The following CD6 variants were observed in gnomAD, a reference collection of about 807,000 sequenced individuals.
The protein encoded by CD6 is CD6 molecule.
CD6 carries 53 observed loss-of-function variants against 75.3 expected under a neutral mutation model. The observed-to-expected ratio is 0.70, with a 90% CI of 0.56 to 0.88. The LOEUF is 0.88. CD6 is among the 40% of genes least tolerant of loss of function. The pLI, the probability that CD6 is intolerant of heterozygous loss-of-function variation, is 0.00. For synonymous variants in CD6, 359 were observed against 381.5 expected, an observed-to-expected ratio of 0.94 and a Z score of 0.69; for missense variants, 770 against 897.1, an observed-to-expected ratio of 0.86 and a Z score of 1.81.
chr11:60,992,639 C>T (rs1413891977), intron 1 of CD6, among the ~76,000 whole-genome samples: 1 of 151,750 alleles, frequency 6.6e-6, no homozygotes, highest in Non-Finnish European at 1.5e-5. Flanking sequence ...ACCAGCCTGG[C>T]CAACATGGTG....
At chr11:61,000,036 AG>A (rs1269605125) in intron 1 of CD6, among the ~76,000 whole-genome samples, 1 of 152,052 alleles carries the variant, frequency 6.6e-6, no homozygotes, top group Non-Finnish European at 1.5e-5. Flanking sequence ...TGGGCAACAG[AG>A]GGAGAGTGAG....
At chr11:60,986,150 A>G (rs1304856429) in intron 1 of CD6, among the ~76,000 whole-genome samples, 1 of 152,266 alleles carries the variant, frequency 6.6e-6, no homozygotes, top group Non-Finnish European at 1.5e-5. Flanking sequence ...TTCAGATGTG[A>G]TGTAAACATT....
chr11:60,996,451 G>C (rs760363061), intron 1 of CD6, among the ~76,000 whole-genome samples: 1 of 152,174 alleles, frequency 6.6e-6, no homozygotes, highest in African/African-American at 2.4e-5. Context: ...CCAGCTTCCC[G>C]GCCACTGGGC....
rs1385367152 is a variant in CD6, at chr11:61,019,874, G to T, written c.*556G>T. 1 of 324,198 alleles carries T rather than the reference G, an allele frequency of 3.1e-6. No homozygotes were observed. Among genetic ancestry groups the T allele is most frequent in the Non-Finnish European group, 5.6e-6 (1 of 180,058 alleles). The allele number at this position is 324,198 out of a possible 1,614,324, so 20.1% of individuals were successfully genotyped here. The stretch of plus-strand genomic sequence containing the variant: ...GCTGTCCCAGGCTTTGCTCCGGGCG[G>T]TAACTGCACTTGGGCAGGGAATATA... On this transcript the variant is annotated 3_prime_UTR_variant, in exon 13 of 13. Transcript: ENST00000313421.
chr11:60,989,900 C>T (rs1246454051), intron 1 of CD6, among the ~76,000 whole-genome samples: 1 of 152,096 alleles, frequency 6.6e-6, no homozygotes, highest in Non-Finnish European at 1.5e-5. Context: ...CTATAAAAAC[C>T]CATGGCTTTC....
chr11:60,990,338 T>C (rs1175087225), intron 1 of CD6, among the ~76,000 whole-genome samples: 2 of 152,086 alleles, frequency 1.3e-5, no homozygotes, highest in Non-Finnish European at 2.9e-5. Context: ...GATTCTCCTG[T>C]CTCAGCCTCC....
chr11:61,012,379 G>T (rs1000342752), intron 6 of CD6, among the ~76,000 whole-genome samples: 2 of 152,254 alleles, frequency 1.3e-5, no homozygotes, highest in Admixed American at 6.5e-5. Flanking sequence ...CCACATTCAC[G>T]GGTCTCCCCA....
chr11:61,013,742 C>A (rs912670517), intron 7 of CD6, among the ~76,000 whole-genome samples, 177 bp from the exon 8 acceptor site: 1 of 152,120 alleles, frequency 6.6e-6, no homozygotes, highest in African/African-American at 2.4e-5. Flanking sequence ...CGGGGAGAAC[C>A]AGACTGTGCA....
chr11:60,977,436 C>T (rs1351184346), intron 1 of CD6, among the ~76,000 whole-genome samples: 1 of 152,178 alleles, frequency 6.6e-6, no homozygotes, highest in Non-Finnish European at 1.5e-5. Context: ...GATCCCCAGG[C>T]TGTATCTACT....
chr11:60,971,960 G>A (rs149000485), intron 1 of CD6, 46 bp downstream of exon 1: 174 of 1,595,556 alleles, frequency 1.1e-4, no homozygotes, highest in African/African-American at 9.9e-4. Flanking sequence ...TGGAGGAGCC[G>A]GGTCCGGCCC....
At chr11:60,984,055 G>A (rs543865419) in intron 1 of CD6, among the ~76,000 whole-genome samples, 117 of 152,144 alleles carry the variant, frequency 7.7e-4, no homozygotes, top group African/African-American at 2.7e-3. Context: ...TCCCCTCTCC[G>A]GTGGTCTAAC....
chr11:61,017,751 T>C lies in CD6; in HGVS notation c.1583-8T>C, dbSNP rs116662669. ...TCTTTCGTCACCATTCTCCCTTTCC[T>C]GCCTTAGGACTTGAAGAGTTGCATG... On this transcript the variant is annotated splice_polypyrimidine_tract_variant and splice_region_variant and intron_variant, in intron 10 of 12. Transcript: ENST00000313421. The C allele has an allele frequency of 2.6e-4, 424 of 1,613,960 alleles. 1 individual carries two copies. The African/African-American group carries it at 5.4e-3, about 20-fold the overall frequency.
intron 1 of CD6, among the ~76,000 whole-genome samples, chr11:60,994,019 G>A (rs1305617877): frequency 3.9e-5 from 6 of 152,172 alleles, no homozygotes; most frequent in Admixed American, 1.3e-4. Flanking sequence ...AGTAGGAAAC[G>A]TTGTCTTTTA....
chr11:60,973,019 G>A (rs965459035), intron 1 of CD6, among the ~76,000 whole-genome samples: 3 of 152,176 alleles, frequency 2.0e-5, no homozygotes, highest in Admixed American at 6.5e-5. Flanking sequence ...CAGCAGCTCT[G>A]GAATTTCAGC....
At position 61,000,007 on chromosome 11, in the gene CD6, G is replaced by A. The variant is rs577507158; in HGVS notation, c.50-6567G>A. 5.3e-5 allele frequency among the ~76,000 whole-genome samples: 8 copies of A among 152,118 alleles called. No homozygotes were observed. The East Asian group carries it at 9.7e-4, about 18-fold the overall frequency. On this transcript the variant is annotated intron_variant, in intron 1 of 12. Transcript: ENST00000313421. ...GTGGAGGTGGCAGTGAACCGAGATCGCATCACTGCACTCCAGCCTGGGCAA... is the reference window on the plus strand; with the variant it reads ...GTGGAGGTGGCAGTGAACCGAGATCACATCACTGCACTCCAGCCTGGGCAA...
rs745322690 is a variant in CD6 at position 61,019,289 on chromosome 11, G to A, written c.1978G>A (p.Asp660Asn). Reference sequence around the variant, plus strand: ...CCCTCAGCCTGACTCCACCGACAACGATGACTACGATGACATCAGCGCAGC... The same window carrying A: ...CCCTCAGCCTGACTCCACCGACAACAATGACTACGATGACATCAGCGCAGC... Reference protein sequence around the residue: ...PSPQPDSTDNDDYDDISAA With the variant: ...PSPQPDSTDNNDYDDISAA Residue 660 changes from aspartate (D) to asparagine (N), a missense_variant, in exon 13 of 13, where the codon GAT becomes AAT. Transcript: ENST00000313421. 14 of 1,610,226 alleles carry A rather than the reference G, an allele frequency of 8.7e-6. No homozygotes were observed. The highest frequency in any genetic ancestry group is 2.7e-5 in the African/African-American group (2 of 74,866).
chr11:61,019,338 C>T lies in CD6; in HGVS notation c.*20C>T, dbSNP rs375721208. On this transcript the variant is annotated 3_prime_UTR_variant, in exon 13 of 13. Coordinates refer to ENST00000313421, the MANE Select transcript of CD6 (RefSeq NM_006725.5). ...GCCTAGGCCGGGGCCAGCCGAGGCT[C>T]CTGGGGTGGCTCTGACCCTCTGGCC... The T allele has an allele frequency of 1.9e-6, 3 of 1,599,286 alleles. No homozygotes were observed. The highest frequency in any genetic ancestry group is 2.6e-6 in the Non-Finnish European group (3 of 1,175,640).
intron 11 of CD6, 119 bp from the exon 12 acceptor site, chr11:61,018,170 A>G: frequency 7.7e-7 from 1 of 1,290,746 alleles, no homozygotes; most frequent in Admixed American, 2.4e-5. Context: ...CTGGGCCTTC[A>G]CTTTGTCATT....
Position 61,006,601 on chromosome 11 carries a change from A to G in CD6, c.77A>G (p.Gln26Arg), listed in dbSNP as rs1858871115. 2 of 1,610,696 alleles carry G rather than the reference A, an allele frequency of 1.2e-6. No individual in the cohort carries two copies. The highest frequency in any genetic ancestry group is 1.7e-6 in the Non-Finnish European group (2 of 1,178,688). Reference protein sequence around the residue: ...SGHPSPAPPDQLNTSSAESEL... With the variant: ...SGHPSPAPPDRLNTSSAESEL... ...CATCCATCTCCAGCCCCACCTGACC[A>G]GCTCAACACCAGCAGTGCAGAGAGT... The change falls in exon 2 of 13, where the codon CAG becomes CGG. Residue 26 changes from glutamine (Q) to arginine (R), a missense_variant. Coordinates refer to ENST00000313421, the MANE Select transcript of CD6 (RefSeq NM_006725.5).
Sources: gnomAD v4.1 joint callset for allele counts (sites outside exome capture counted in the v4.1 genomes callset) on GRCh38, gnomAD v4.1.1 for gene constraint, MANE v1.5 for transcripts, NCBI Gene and HGNC (gene_info 2026-07-23, HGNC 2026-07-21) for gene names.